The following ATP8A2 variants were observed in gnomAD, a reference collection of about 807,000 sequenced individuals.
The protein encoded by ATP8A2 is phospholipid-transporting ATPase IB.
Under a neutral mutation model 165.6 loss-of-function variants are expected in ATP8A2, and 100 were observed. The ratio of observed to expected loss-of-function variants is 0.60; its 90% CI spans 0.51 to 0.71. The LOEUF (loss-of-function observed/expected upper bound fraction) is 0.71. ATP8A2 is among the 30% of genes least tolerant of loss of function. The probability of loss-of-function intolerance (pLI) is 0.00; values close to 1 mark genes in which losing one functional copy is unlikely to be tolerated. For missense variants in ATP8A2, 1,227 were observed against 1,479.5 expected, an observed-to-expected ratio of 0.83 and a Z score of 2.80; for synonymous variants, 543 against 548.8, an observed-to-expected ratio of 0.99 and a Z score of 0.15.
chr13:25,535,929 T>C (rs567269590), intron 6 of ATP8A2, among the ~76,000 whole-genome samples: 10 of 152,206 alleles, frequency 6.6e-5, no homozygotes, highest in African/African-American at 2.4e-4. Context: ...TGAATGTTTA[T>C]TTAGAGAGTA....
intron 25 of ATP8A2, among the ~76,000 whole-genome samples, chr13:25,764,162 G>T (rs918156504): frequency 6.6e-5 from 10 of 152,040 alleles, no homozygotes; most frequent in Admixed American, 2.6e-4. Flanking sequence ...TTTTAGGCTT[G>T]GTATTGATAA....
intron 1 of ATP8A2, among the ~76,000 whole-genome samples, chr13:25,436,334 C>T (rs1353463658): frequency 1.3e-5 from 2 of 152,126 alleles, no homozygotes; most frequent in Non-Finnish European, 2.9e-5. Context: ...CAATGTTTAG[C>T]TCTCCCTTAC....
intron 19 of ATP8A2, 114 bp from the exon 20 acceptor site, chr13:25,576,955 A>G (rs2039634316): frequency 2.6e-6 from 2 of 762,844 alleles, no homozygotes; most frequent in Non-Finnish European, 4.5e-6. Flanking sequence ...GGAAAGATAG[A>G]CCTTGTTCAT....
intron 25 of ATP8A2, among the ~76,000 whole-genome samples, chr13:25,730,357 T>C (rs1369622807): frequency 6.6e-6 from 1 of 152,180 alleles, no homozygotes; most frequent in Non-Finnish European, 1.5e-5. Flanking sequence ...TCTTCAACTC[T>C]ATCAAGTTGG....
At chr13:25,715,914 T>G (rs934059487) in intron 25 of ATP8A2, among the ~76,000 whole-genome samples, 1 of 152,206 alleles carries the variant, frequency 6.6e-6, no homozygotes, top group African/African-American at 2.4e-5. Context: ...CCACTTTACA[T>G]TTCATACATT....
rs747144744 is a variant in ATP8A2 at position 25,839,610 on chromosome 13, A to G, written c.2942A>G (p.Lys981Arg). Residue 981 changes from lysine (K) to arginine (R), a missense_variant, in exon 30 of 37, where the codon AAA becomes AGA. By Grantham distance (26) the Lys-to-Arg change is conservative (BLOSUM62 2). Around this residue, in one of 5 missense-constraint regions of ATP8A2, gnomAD observed 260 missense variants for 245.1 expected, o/e 1.06. Coordinates refer to ENST00000381655, the MANE Select transcript of ATP8A2 (RefSeq NM_016529.6). ...HSLILFWFPM[K>R]ALEHDTVLTS... is the part of the protein sequence containing the mutation. Reference sequence around the variant, plus strand: ...CTCATCCTCTTCTGGTTTCCCATGAAAGCTCTGGAGCATGGTAAGGGCTGT... The same window carrying G: ...CTCATCCTCTTCTGGTTTCCCATGAGAGCTCTGGAGCATGGTAAGGGCTGT... 25 of 1,613,870 alleles carry G rather than the reference A, an allele frequency of 1.5e-5. No homozygotes were observed. The highest frequency in any genetic ancestry group is 1.9e-5 in the Non-Finnish European group (23 of 1,179,776).
At chr13:25,927,198 G>C (rs1343802850) in intron 33 of ATP8A2, 2 of 456,698 alleles carry the variant, frequency 4.4e-6, no homozygotes, top group South Asian at 3.1e-5. Flanking sequence ...CTGTGCCCCG[G>C]AGCCCCACTC....
Position 25,403,047 on chromosome 13 carries a change from A to G in ATP8A2, c.76+30759A>G, listed in dbSNP as rs185744167. ...GGGCACCAGTCCTCTCCATGAGAACAGAGACCTCATGACCTAACCATCTCC... is the reference window on the plus strand; with the variant it reads ...GGGCACCAGTCCTCTCCATGAGAACGGAGACCTCATGACCTAACCATCTCC... On this transcript the variant is annotated intron_variant, in intron 1 of 36. Coordinates refer to ENST00000381655, the MANE Select transcript of ATP8A2 (RefSeq NM_016529.6). Among the ~76,000 whole-genome samples, 209 of 152,350 alleles carry G rather than the reference A, an allele frequency of 1.4e-3. 3 individuals carry two copies. Among genetic ancestry groups the G allele is most frequent in the African/African-American group, 4.6e-3 (190 of 41,582 alleles).
intron 33 of ATP8A2, among the ~76,000 whole-genome samples, chr13:25,955,716 A>G (rs939812497): frequency 2.0e-5 from 3 of 152,234 alleles, no homozygotes; most frequent in Non-Finnish European, 4.4e-5. Context: ...AGCTGGTACC[A>G]TTCCTTCTGG....
At chr13:25,647,240 T>A in intron 24 of ATP8A2, among the ~76,000 whole-genome samples, 1 of 152,244 alleles carries the variant, frequency 6.6e-6, no homozygotes, top group East Asian at 1.9e-4. Context: ...AGCCTTTTGT[T>A]TCAGCTTAAA....
Position 25,540,458 on chromosome 13 carries a change from T to C in ATP8A2, c.651+70T>C. 3 of 1,114,450 alleles carry C rather than the reference T, an allele frequency of 2.7e-6. No homozygotes were observed. The Admixed American group carries it at 5.2e-5, about 19-fold the overall frequency. The allele number at this position is 1,114,450 out of a possible 1,614,324, so 69.0% of individuals were successfully genotyped here. A position where few individuals can be genotyped will look rare whatever the true frequency, so the allele number is the denominator to read the frequency against. On this transcript the variant is annotated intron_variant, in intron 8 of 36. Transcript: ENST00000381655. The stretch of plus-strand genomic sequence containing the variant: ...TGCAAATGTGGTCCCCACATATCTT[T>C]TTCTAGAGAAATAAAATATTCAGCC...
intron 33 of ATP8A2, among the ~76,000 whole-genome samples, chr13:25,961,228 G>C (rs184979898): frequency 3.3e-4 from 51 of 152,328 alleles, no homozygotes; most frequent in African/African-American, 1.2e-3. Flanking sequence ...GAGGAGCCTA[G>C]TGAGGCAACG....
At chr13:26,016,191 G>A (rs1406139381) in intron 36 of ATP8A2, among the ~76,000 whole-genome samples, 1 of 152,224 alleles carries the variant, frequency 6.6e-6, no homozygotes, top group Non-Finnish European at 1.5e-5. Context: ...TCTCGGTTAA[G>A]GTTAAGAAAG....
intron 27 of ATP8A2, among the ~76,000 whole-genome samples, chr13:25,793,730 C>T (rs529469317): frequency 6.6e-6 from 1 of 151,962 alleles, no homozygotes; most frequent in South Asian, 2.1e-4. Context: ...TAGCCATTAA[C>T]GAGATAGCAG....
At chr13:25,411,516 A>G (rs1304419370) in intron 1 of ATP8A2, among the ~76,000 whole-genome samples, 1 of 152,192 alleles carries the variant, frequency 6.6e-6, no homozygotes, top group Non-Finnish European at 1.5e-5. Flanking sequence ...TTGTCAGCAA[A>G]AATGTTTTAT....
intron 33 of ATP8A2, among the ~76,000 whole-genome samples, chr13:25,893,696 ATCCTC>A: frequency 6.6e-6 from 1 of 152,262 alleles, no homozygotes; most frequent in African/African-American, 2.4e-5. Flanking sequence ...ATTTCTCCAC[ATCCTC>A]TCCAGCACCT....
intron 27 of ATP8A2, among the ~76,000 whole-genome samples, chr13:25,804,782 G>T (rs574650231): frequency 6.6e-6 from 1 of 152,144 alleles, no homozygotes; most frequent in African/African-American, 2.4e-5. Flanking sequence ...AACTTAGTGC[G>T]CAGAAAAATG....
chr13:25,713,404 G>T, intron 25 of ATP8A2, among the ~76,000 whole-genome samples: 1 of 152,050 alleles, frequency 6.6e-6, no homozygotes, highest in East Asian at 1.9e-4. Flanking sequence ...TATTGATTTA[G>T]AACAAATTTA....
chr13:25,638,501 G>T (rs2041429294), intron 24 of ATP8A2, among the ~76,000 whole-genome samples: 1 of 152,152 alleles, frequency 6.6e-6, no homozygotes, highest in Non-Finnish European at 1.5e-5. Flanking sequence ...GGAAGAAAGG[G>T]TATCAGTGAT....
Sources: gnomAD v4.1 joint callset for allele counts (sites outside exome capture counted in the v4.1 genomes callset) on GRCh38, gnomAD v4.1.1 for gene constraint, gnomAD v4.1.1 regional missense constraint, MANE v1.5 for transcripts, NCBI Gene and HGNC (gene_info 2026-07-23, HGNC 2026-07-21) for gene names.